Variants in IQSEC1 observed in about 807,000 individuals in gnomAD.
IQSEC1 encodes the protein IQ motif and SEC7 domain-containing protein 1.
In IQSEC1, 31 loss-of-function variants were observed where a neutral mutation model predicts 91.0. That is an observed-to-expected ratio of 0.34 (90% confidence interval 0.26 to 0.46). The LOEUF (loss-of-function observed/expected upper bound fraction) is 0.46. Ranked by LOEUF, IQSEC1 falls within the 20% of genes least tolerant of loss-of-function variation. The pLI is 1.00. For missense variants in IQSEC1, 1,388 were observed against 1,575.6 expected, an observed-to-expected ratio of 0.88 and a Z score of 2.02; for synonymous variants, 699 against 662.6, an observed-to-expected ratio of 1.05 and a Z score of -0.84.
chr3:13,175,296 G>A (rs1693704948), intron 1 of IQSEC1, among the ~76,000 whole-genome samples: 1 of 152,210 alleles, frequency 6.6e-6, no homozygotes, highest in African/African-American at 2.4e-5. Context: ...AGGTGGTTAT[G>A]GAGATTAAGG....
At position 13,275,837 on chromosome 3, in the gene IQSEC1, G is replaced by A. The variant is rs376552848; in HGVS notation, c.272+6874C>T. Among the ~76,000 whole-genome samples the A allele has an allele frequency of 2.1e-4, 32 of 152,318 alleles. 1 individual carries two copies. In the South Asian group the frequency reaches 4.6e-3, roughly 22 times the overall value. Reference sequence around the variant, plus strand: ...GGTGTGAGTAGAAGAGGTGGCAGTCGGGTGCAGGCAGTGCAGGGCCCGGCT... The same window carrying A: ...GGTGTGAGTAGAAGAGGTGGCAGTCAGGTGCAGGCAGTGCAGGGCCCGGCT... On this transcript the variant is annotated intron_variant, in intron 1 of 15. Coordinates refer to the IQSEC1 transcript ENST00000648114.
At chr3:13,150,923 A>G (rs1365792346) in intron 2 of IQSEC1, among the ~76,000 whole-genome samples, 1 of 152,248 alleles carries the variant, frequency 6.6e-6, no homozygotes, top group Non-Finnish European at 1.5e-5. Flanking sequence ...CAGATGGTCC[A>G]GGGCTGGCCT....
chr3:12,935,169 G>A lies in IQSEC1; in HGVS notation c.1568+279C>T, dbSNP rs914718568. Among the ~76,000 whole-genome samples, 17 of 152,184 alleles carry A rather than the reference G, an allele frequency of 1.1e-4. No individual in the cohort carries two copies. Among genetic ancestry groups the A allele is most frequent in the African/African-American group, 3.1e-4 (13 of 41,438 alleles). ...ATGGCGGACTTGGGGGGGATGGGAC[G>A]GAAGGGCCCGGGACTCAAGTTGCTT... On this transcript the variant is annotated intron_variant, in intron 3 of 13. Coordinates refer to ENST00000613206, the MANE Select transcript of IQSEC1 (RefSeq NM_001134382.3). This position sits in a 1 kb window ranked among gnomAD's most constrained non-coding sequence, Gnocchi z 8.0.
chr3:13,049,686 C>A (rs1704622624), intron 1 of IQSEC1, among the ~76,000 whole-genome samples: 1 of 152,188 alleles, frequency 6.6e-6, no homozygotes, highest in Non-Finnish European at 1.5e-5. Context: ...TTCCTTCTTC[C>A]TTTCCTGTTT....
At chr3:13,095,828 G>A (rs1046676774) in intron 2 of IQSEC1, among the ~76,000 whole-genome samples, 1 of 152,212 alleles carries the variant, frequency 6.6e-6, no homozygotes, top group Admixed American at 6.5e-5. Context: ...ACGCAAAAGC[G>A]CTGAGCCAGC....
At chr3:13,196,755 T>C (rs1281886090) in intron 1 of IQSEC1, among the ~76,000 whole-genome samples, 1 of 31,266 alleles carries the variant, frequency 3.2e-5, no homozygotes, top group South Asian at 7.0e-4. Context: ...TGTGCGTGTG[T>C]GTGTGTGTGT....
chr3:12,951,567 T>C (rs1241710086), intron 1 of IQSEC1, among the ~76,000 whole-genome samples: 3 of 152,222 alleles, frequency 2.0e-5, no homozygotes, highest in African/African-American at 7.2e-5. Context: ...CCCACTTCTC[T>C]AGTCTTGAGC....
intron 1 of IQSEC1, among the ~76,000 whole-genome samples, chr3:13,244,454 C>G (rs1695074864): frequency 6.6e-6 from 1 of 152,194 alleles, no homozygotes; most frequent in Admixed American, 6.5e-5. Flanking sequence ...TGTAATTCAC[C>G]TGCCATTCAA....
At chr3:12,915,302 G>T (rs1695972823) in intron 7 of IQSEC1, among the ~76,000 whole-genome samples, 169 bp from the exon 8 acceptor site, 1 of 152,174 alleles carries the variant, frequency 6.6e-6, no homozygotes, top group African/African-American at 2.4e-5. Flanking sequence ...GGGACTCCTG[G>T]ACCACCCAGG....
chr3:13,217,219 C>A (rs1694566854), intron 1 of IQSEC1, among the ~76,000 whole-genome samples: 1 of 152,208 alleles, frequency 6.6e-6, no homozygotes, highest in South Asian at 2.1e-4. Context: ...GTTAGATTTA[C>A]AATGTTTTCT....
intron 1 of IQSEC1, among the ~76,000 whole-genome samples, chr3:12,961,787 G>A (rs1449631670): frequency 1.3e-5 from 2 of 152,164 alleles, no homozygotes; most frequent in Non-Finnish European, 2.9e-5. Context: ...CACTCACATG[G>A]ATTCATTCAT....
chr3:12,967,353 CG>C lies in IQSEC1; in HGVS notation c.24-25489del. On this transcript the variant is annotated intron_variant, in intron 1 of 13. Coordinates refer to ENST00000613206, the MANE Select transcript of IQSEC1 (RefSeq NM_001134382.3). The surrounding 1 kb of genome is among the most constrained non-coding windows in gnomAD (Gnocchi z 5.9). ...CTGCGCCAGCCCACCGCTCAGCACC[CG>C]GGAAGGCCGCTCGCCCCGCGCCGCG... is the stretch of plus-strand genomic sequence containing the variant. 1 of 1,518,460 alleles carries C rather than the reference CG, an allele frequency of 6.6e-7. No individual in the cohort carries two copies. The highest frequency in any genetic ancestry group is 8.8e-7 in the Non-Finnish European group (1 of 1,133,628). 94.1% of individuals were successfully genotyped at this position (1,518,460 alleles called of 1,614,324 possible). A position where few individuals can be genotyped will look rare whatever the true frequency, so the allele number is the denominator to read the frequency against.
At chr3:13,167,770 G>A (rs1433885743) in intron 1 of IQSEC1, among the ~76,000 whole-genome samples, 1 of 152,232 alleles carries the variant, frequency 6.6e-6, no homozygotes, top group African/African-American at 2.4e-5. Context: ...GGAACCTGCA[G>A]ACTGCCCCCT....
chr3:12,975,025 G>A (rs1221641909), intron 1 of IQSEC1, among the ~76,000 whole-genome samples: 2 of 152,252 alleles, frequency 1.3e-5, no homozygotes, highest in African/African-American at 4.8e-5. Context: ...CAGTTACTCT[G>A]CTTCCCAGGG....
chr3:13,061,323 G>A (rs1386961835), intron 1 of IQSEC1, among the ~76,000 whole-genome samples: 2 of 152,184 alleles, frequency 1.3e-5, no homozygotes, highest in Non-Finnish European at 2.9e-5. Context: ...AGGATTTCAG[G>A]TTGATCTGGA....
intron 1 of IQSEC1, among the ~76,000 whole-genome samples, chr3:13,280,912 A>G (rs901062042): frequency 2.0e-5 from 3 of 152,230 alleles, no homozygotes; most frequent in African/African-American, 7.2e-5. Flanking sequence ...GGACTTCTGA[A>G]ACAAAATCCC....
At position 13,193,768 on chromosome 3, in the gene IQSEC1, C is replaced by T. The variant is rs1449076023; in HGVS notation, c.273-29635G>A. 6.6e-6 allele frequency among the ~76,000 whole-genome samples: 1 copy of T among 152,168 alleles called. No individual in the cohort carries two copies. The highest frequency in any genetic ancestry group is 1.9e-4 in the East Asian group (1 of 5,192). On this transcript the variant is annotated intron_variant, in intron 1 of 15. Coordinates refer to the IQSEC1 transcript ENST00000648114. This position sits in a 1 kb window ranked among gnomAD's most constrained non-coding sequence, Gnocchi z 4.2. ...TGCTGTGCTGGACGCTGTCCCACTT[C>T]CCCCGGCCCCACACCCTCCTGCCTG...
intron 1 of IQSEC1, among the ~76,000 whole-genome samples, chr3:12,991,818 A>G (rs1702003568): frequency 6.6e-6 from 1 of 152,140 alleles, no homozygotes. Context: ...CCTCTGGACA[A>G]TGGGGGAAGG....
rs145460045 is a variant in IQSEC1 at position 13,039,553 on chromosome 3, C to G, written c.23+33439G>C. ...GGGGAAGGATCCGTTTGGGTGAGGA[C>G]AGCCGCTTGCAAAGCCTCTACTAAG... On this transcript the variant is annotated intron_variant, in intron 1 of 13. Transcript: ENST00000613206. Among the ~76,000 whole-genome samples the G allele has an allele frequency of 5.2e-3, 797 of 152,320 alleles. 7 individuals carry two copies. The highest frequency in any genetic ancestry group is 0.034 in the Middle Eastern group (10 of 294).
Sources: allele counts gnomAD v4.1 joint callset (sites outside exome capture counted in the v4.1 genomes callset), GRCh38; gene constraint gnomAD v4.1.1; non-coding constraint Gnocchi (gnomAD v3.1); transcripts MANE v1.5; gene names NCBI Gene and HGNC (gene_info 2026-07-23, HGNC 2026-07-21).